Variants in ZNF484 observed in about 807,000 individuals in gnomAD.
ZNF484 encodes the protein zinc finger protein 484, also known as KRAB box containing C2H2 type zinc finger bA526D8.4.
Under a neutral mutation model 12.9 loss-of-function variants are expected in ZNF484, and 11 were observed. The ratio of observed to expected loss-of-function variants is 0.85; its 90% CI spans 0.54 to 1.41. The LOEUF (loss-of-function observed/expected upper bound fraction) is 1.41, where lower values mean the gene tolerates loss of function less well. ZNF484 is among the 40% of genes most tolerant of loss of function. The pLI is 0.00. For missense variants in ZNF484, 807 were observed against 1,007.7 expected (o/e 0.80, Z 2.70); for synonymous variants, 289 against 334.1 (o/e 0.86, Z 1.47).
rs747999219 is a variant in ZNF484, at chr9:92,847,442, A to C, written c.1345T>G (p.Phe449Val). 6.2e-7 allele frequency: 1 copy of C among 1,613,556 alleles called. No homozygotes were observed. The highest frequency in any genetic ancestry group is 1.1e-5 in the South Asian group (1 of 90,882). The change falls in exon 5 of 5, where the codon TTT becomes GTT. Residue 449 changes from phenylalanine (F) to valine (V), a missense_variant. Phe to Val is a conservative substitution (Grantham distance 50). Coordinates refer to ENST00000375495, the MANE Select transcript of ZNF484 (RefSeq NM_031486.4). ...PYECSDCGKSFIKKSQLHVHQ... is the reference protein window; with the variant it reads ...PYECSDCGKSVIKKSQLHVHQ... ...ACATGGAGTTGTGATTTTTTAATAA[A>C]GGATTTCCCACAGTCACTGCATTCA...
intron 2 of ZNF484, among the ~76,000 whole-genome samples, chr9:92,871,105 G>A (rs1857402987): frequency 6.6e-6 from 1 of 152,174 alleles, no homozygotes; most frequent in Admixed American, 6.5e-5. Context: ...CCAATCAACC[G>A]ATACTAAAAC....
chr9:92,873,013 G>A (rs568393195), intron 2 of ZNF484, among the ~76,000 whole-genome samples: 4 of 152,056 alleles, frequency 2.6e-5, no homozygotes, highest in East Asian at 1.9e-4. Context: ...CCAAAAATTC[G>A]TATGTTTAGG....
chr9:92,868,217 A>G (rs1857223075), intron 2 of ZNF484, among the ~76,000 whole-genome samples: 1 of 152,224 alleles, frequency 6.6e-6, no homozygotes, highest in Non-Finnish European at 1.5e-5. Flanking sequence ...TTTGAGAAAC[A>G]TGAGGACAAT....
chr9:92,866,791 A>T (rs1340134421), intron 2 of ZNF484, among the ~76,000 whole-genome samples: 1 of 152,224 alleles, frequency 6.6e-6, no homozygotes, highest in East Asian at 1.9e-4. Context: ...TACATGTACA[A>T]CATGGAATAG....
chr9:92,876,609 C>T (rs561283169), intron 1 of ZNF484, among the ~76,000 whole-genome samples: 3 of 152,012 alleles, frequency 2.0e-5, no homozygotes, highest in Non-Finnish European at 2.9e-5. Context: ...TCTTGGAATT[C>T]GATGTTAAAA....
intron 4 of ZNF484, among the ~76,000 whole-genome samples, chr9:92,849,202 G>A (rs759844703): frequency 4.0e-4 from 60 of 151,456 alleles, no homozygotes; most frequent in African/African-American, 5.1e-4. Context: ...CAGAGGTTGC[G>A]GTGAGCCGAG....
intron 4 of ZNF484, among the ~76,000 whole-genome samples, chr9:92,854,499 C>T (rs62572369): frequency 0.052 from 7,953 of 152,160 alleles, 247 homozygotes; most frequent in Middle Eastern, 0.065. Flanking sequence ...GGGTGGATCA[C>T]GAGGTCAGGA....
At chr9:92,860,820 A>C (rs1424540854) in intron 2 of ZNF484, among the ~76,000 whole-genome samples, 1 of 152,148 alleles carries the variant, frequency 6.6e-6, no homozygotes, top group Non-Finnish European at 1.5e-5. Context: ...TGTATTGGCT[A>C]ACCCTACCCC....
At chr9:92,866,906 C>T (rs962862559) in intron 2 of ZNF484, among the ~76,000 whole-genome samples, 2 of 152,204 alleles carry the variant, frequency 1.3e-5, no homozygotes, top group Non-Finnish European at 2.9e-5. Flanking sequence ...AATCCGAACA[C>T]TGCATGTTCT....
chr9:92,871,299 A>G (rs1857415998), intron 2 of ZNF484, among the ~76,000 whole-genome samples: 1 of 152,206 alleles, frequency 6.6e-6, no homozygotes, highest in Admixed American at 6.5e-5. Flanking sequence ...AACTCAATAG[A>G]TGGGCTCAAA....
rs1233720698 is a variant in ZNF484 at position 92,844,401 on chromosome 9, ACACACGTACACG to A, written c.*1815_*1826del. Among the ~76,000 whole-genome samples, 1 of 152,188 alleles carries A rather than the reference ACACACGTACACG, an allele frequency of 6.6e-6. No homozygotes were observed. Among genetic ancestry groups the A allele is most frequent in the Non-Finnish European group, 1.5e-5 (1 of 68,022 alleles). On this transcript the variant is annotated 3_prime_UTR_variant, in exon 5 of 5. Transcript: ENST00000375495. ...GGAATTTCCCCAAATGCACATGTGC[ACACACGTACACG>A]CACACGTGCACACACACACCCCAAA...
intron 2 of ZNF484, among the ~76,000 whole-genome samples, chr9:92,865,548 A>T (rs535718093): frequency 1.3e-5 from 2 of 152,344 alleles, no homozygotes; most frequent in East Asian, 3.9e-4. Flanking sequence ...ACATATCTGC[A>T]CACTACTGGT....
chr9:92,877,745 C>T (rs1393195535), intron 1 of ZNF484, 145 bp downstream of exon 1: 1 of 1,528,704 alleles, frequency 6.5e-7, no homozygotes, highest in East Asian at 2.4e-5. Context: ...TGCCCCCTCA[C>T]TCCTCCCTCA....
intron 2 of ZNF484, among the ~76,000 whole-genome samples, chr9:92,857,566 G>A (rs541998630): frequency 6.6e-6 from 1 of 152,328 alleles, no homozygotes; most frequent in South Asian, 2.1e-4. Flanking sequence ...CTATCAGGAA[G>A]AGGGTCTTTA....
chr9:92,846,516 G>C lies in ZNF484; in HGVS notation c.2271C>G (p.Phe757Leu). 1 of 1,613,944 alleles carries C rather than the reference G, an allele frequency of 6.2e-7. No individual in the cohort carries two copies. Among genetic ancestry groups the C allele is most frequent in the South Asian group, 1.1e-5 (1 of 91,072 alleles). Residue 757 changes from phenylalanine (F) to leucine (L), a missense_variant, in exon 5 of 5, where the codon TTC becomes TTG. By Grantham distance (22) the Phe-to-Leu change is conservative (BLOSUM62 0). Coordinates refer to ENST00000375495, the MANE Select transcript of ZNF484 (RefSeq NM_031486.4). ...GCTCATGGAGTTGTGATTTCTTAAT[G>C]AAAGACTTGCCACAGTCACTGCATT... ...PYECSDCGKS[F>L]IKKSQLHEHH...
In ZNF484 at chr9:92,869,936, A is replaced by G. The variant is rs116100885; in HGVS notation, c.15+5079T>C. Among the ~76,000 whole-genome samples, 576 of 152,342 alleles carry G rather than the reference A, an allele frequency of 3.8e-3. 1 individual carries two copies. Among genetic ancestry groups the G allele is most frequent in the African/African-American group, 0.013 (540 of 41,574 alleles). ...TGAAATACTTATTTTTAAAAGTTCA[A>G]ATGCAAAGGACAAAGAGGCAGTTAT... On this transcript the variant is annotated intron_variant, in intron 2 of 4. Transcript: ENST00000375495.
intron 4 of ZNF484, among the ~76,000 whole-genome samples, chr9:92,850,675 C>CA (rs1564102049): frequency 6.6e-6 from 1 of 152,146 alleles, no homozygotes; most frequent in East Asian, 1.9e-4. Context: ...CCTCCGCCTC[C>CA]CGGGTTCAAG....
intron 2 of ZNF484, among the ~76,000 whole-genome samples, chr9:92,865,847 T>G (rs1857038212): frequency 6.6e-6 from 1 of 152,208 alleles, no homozygotes; most frequent in Admixed American, 6.5e-5. Flanking sequence ...AAGTTGAGGC[T>G]GTAGTGAGCT....
rs563382175 is a variant in ZNF484 at position 92,847,704 on chromosome 9, A to T, written c.1083T>A (p.Cys361Ter). The T allele has an allele frequency of 1.9e-5, 30 of 1,613,488 alleles. No individual in the cohort carries two copies. The South Asian group carries it at 3.1e-4, about 17-fold the overall frequency. Residue 361 changes from cysteine to a stop codon, truncating the protein, a stop_gained, in exon 5 of 5, where the codon TGT becomes TGA. Transcript: ENST00000375495. LOFTEE classifies it low-confidence loss of function (END_TRUNC). The part of the protein sequence containing the change: ...SGEKPYEYSE[C>*]EKNLPQNSNL... ...TTGAATTCTGAGGGAGGTTTTTCTC[A>T]CATTCACTGTACTCATAAGGTTTTT...
Sources: allele counts gnomAD v4.1 joint callset (sites outside exome capture counted in the v4.1 genomes callset), GRCh38; gene constraint gnomAD v4.1.1; transcripts MANE v1.5; gene names NCBI Gene and HGNC (gene_info 2026-07-23, HGNC 2026-07-21).